Variants in BCL2L14 observed in about 807,000 individuals in gnomAD.
BCL2L14 encodes the protein apoptosis facilitator Bcl-2-like protein 14.
BCL2L14 carries 27 observed loss-of-function variants against 35.3 expected under a neutral mutation model. The ratio of observed to expected loss-of-function variants is 0.76; its 90% CI spans 0.56 to 1.05. The LOEUF is 1.05. BCL2L14 is among the 50% of genes least tolerant of loss of function. BCL2L14 has a pLI of 0.00. For missense variants in BCL2L14, 377 were observed against 382.6 expected, an observed-to-expected ratio of 0.99 and a Z score of 0.12; for synonymous variants, 139 against 145.9, an observed-to-expected ratio of 0.95 and a Z score of 0.34.
chr12:12,095,326 C>T (rs771011729), intron 5 of BCL2L14: 36 of 985,232 alleles, frequency 3.7e-5, no homozygotes, highest in Admixed American at 6.1e-5. Flanking sequence ...TTAGAGGTCA[C>T]GGAGACTAAG....
intron 1 of BCL2L14, among the ~76,000 whole-genome samples, chr12:12,074,999 C>T (rs915233706): frequency 4.0e-5 from 6 of 151,806 alleles, no homozygotes; most frequent in African/African-American, 1.5e-4. Flanking sequence ...GTGTTTAGTT[C>T]TCTATCATCT....
intron 4 of BCL2L14, among the ~76,000 whole-genome samples, 155 bp downstream of exon 4, chr12:12,091,004 A>G (rs1323032971): frequency 6.6e-6 from 1 of 152,224 alleles, no homozygotes; most frequent in African/African-American, 2.4e-5. Context: ...AAAATTCTTC[A>G]TGCTGGTAGA....
intron 2 of BCL2L14, among the ~76,000 whole-genome samples, chr12:12,086,582 G>T (rs1455458131): frequency 6.6e-6 from 1 of 152,214 alleles, no homozygotes; most frequent in East Asian, 1.9e-4. Context: ...ATTCTTGAAG[G>T]CCGTAAGTTG....
At chr12:12,078,045 A>G (rs1041800630) in intron 1 of BCL2L14, 1 of 395,204 alleles carries the variant, frequency 2.5e-6, no homozygotes, top group Non-Finnish European at 5.1e-6. Flanking sequence ...GTATGGAAAT[A>G]AAGAAGAAAT....
At position 12,079,641 on chromosome 12, in the gene BCL2L14, C is replaced by G. The variant is rs748353635; in HGVS notation, c.336C>G (p.Val112=). The part of the protein sequence containing the change: ...KEDSQSTPAK[V]SAQGQRTLEY... ...ATTCGCAGAGCACGCCTGCCAAGGT[C>G]TCTGCTCAGGGTCAAAGGACGTTGG... The change falls in exon 2 of 6, where the codon GTC becomes GTG. Residue 112 remains valine (V), a synonymous_variant. Coordinates refer to ENST00000308721, the MANE Select transcript of BCL2L14 (RefSeq NM_138723.2). 1.2e-6 allele frequency: 2 copies of G among 1,614,196 alleles called. No individual in the cohort carries two copies. The highest frequency in any genetic ancestry group is 1.1e-5 in the South Asian group (1 of 91,084).
At chr12:12,062,891 A>G (rs892427011) in intron 2 of BCL2L14, among the ~76,000 whole-genome samples, 2 of 152,254 alleles carry the variant, frequency 1.3e-5, no homozygotes, top group Non-Finnish European at 2.9e-5. Flanking sequence ...CAGGAAAAGT[A>G]GAACAGACTA....
At chr12:12,084,461 C>T (rs118037557) in intron 2 of BCL2L14, among the ~76,000 whole-genome samples, 2 of 152,094 alleles carry the variant, frequency 1.3e-5, no homozygotes, top group African/African-American at 4.8e-5. Context: ...GGAAGTCACA[C>T]CCCAACCCCC....
At chr12:12,061,307 G>A (rs555428668) in intron 2 of BCL2L14, among the ~76,000 whole-genome samples, 11 of 151,232 alleles carry the variant, frequency 7.3e-5, no homozygotes, top group African/African-American at 2.2e-4. Flanking sequence ...CTCCCTCCTT[G>A]GCGACCAATC....
intron 5 of BCL2L14, chr12:12,095,667 G>A (rs1389859703): frequency 2.0e-6 from 2 of 985,222 alleles, no homozygotes; most frequent in Non-Finnish European, 1.2e-6. Flanking sequence ...ATTATCCTTA[G>A]TTCTCTTTCC....
At position 12,079,391 on chromosome 12, in the gene BCL2L14, A is replaced by G. The variant is rs1443275996; in HGVS notation, c.86A>G (p.Tyr29Cys). ...ACCATAGAATTCAAAATCCTCGCCT[A>G]CTACACCAGACATCATGTCTTCAAG... ...LNTIEFKILA[Y>C]YTRHHVFKST... The change falls in exon 2 of 6, where the codon TAC becomes TGC. Residue 29 changes from tyrosine to cysteine, a missense_variant. Transcript: ENST00000308721. The G allele has an allele frequency of 1.9e-6, 3 of 1,614,158 alleles. No homozygotes were observed. The highest frequency in any genetic ancestry group is 2.2e-5 in the South Asian group (2 of 91,078).
chr12:12,094,618 C>G (rs752680306), intron 4 of BCL2L14, 46 bp from the exon 5 acceptor site: 2 of 1,614,064 alleles, frequency 1.2e-6, no homozygotes, highest in South Asian at 1.1e-5. Flanking sequence ...CTGTCTGCCT[C>G]GTGGAGCCAA....
intron 5 of BCL2L14, among the ~76,000 whole-genome samples, chr12:12,097,042 G>C (rs2961552): frequency 0.26 from 39,648 of 152,016 alleles, 5,311 homozygotes; most frequent in East Asian, 0.36. Context: ...TACTCAGGGG[G>C]GCTGAGGTAG....
intron 2 of BCL2L14, among the ~76,000 whole-genome samples, chr12:12,082,246 T>A (rs1216085494): frequency 6.6e-6 from 1 of 152,214 alleles, no homozygotes; most frequent in African/African-American, 2.4e-5. Flanking sequence ...CAGCAAGGCA[T>A]CTGCTCTCTG....
chr12:12,090,632 TA>T, intron 3 of BCL2L14, 146 bp from the exon 4 acceptor site: 1 of 549,198 alleles, frequency 1.8e-6, no homozygotes. Flanking sequence ...AAACTCTGTC[TA>T]AAAAATAAAA....
intron 5 of BCL2L14, among the ~76,000 whole-genome samples, chr12:12,096,552 A>G (rs1949317041): frequency 6.6e-6 from 1 of 152,186 alleles, no homozygotes; most frequent in Admixed American, 6.5e-5. Context: ...ATGTCAAATA[A>G]CCCAATTTTC....
At chr12:12,090,645 A>T in intron 3 of BCL2L14, 134 bp from the exon 4 acceptor site, 1 of 405,180 alleles carries the variant, frequency 2.5e-6, no homozygotes, top group Non-Finnish European at 4.2e-6. Flanking sequence ...AAAATAAAAA[A>T]TAAAAAAAAA....
At chr12:12,092,668 C>T (rs950676741) in intron 4 of BCL2L14, among the ~76,000 whole-genome samples, 2 of 152,196 alleles carry the variant, frequency 1.3e-5, no homozygotes, top group Non-Finnish European at 2.9e-5. Context: ...ACTTGGCTGC[C>T]TGCTAGGGTT....
At chr12:12,059,467 G>A (rs967290182) in intron 2 of BCL2L14, among the ~76,000 whole-genome samples, 3 of 151,024 alleles carry the variant, frequency 2.0e-5, no homozygotes, top group Non-Finnish European at 4.4e-5. Context: ...CCTTATTTCT[G>A]CACCCCAACC....
chr12:12,078,617 A>G (rs1266764119), intron 1 of BCL2L14, among the ~76,000 whole-genome samples: 1 of 152,088 alleles, frequency 6.6e-6, no homozygotes, highest in Non-Finnish European at 1.5e-5. Context: ...GAATTCACCT[A>G]TAATCTCCCC....
Sources: gnomAD v4.1 joint callset for allele counts (sites outside exome capture counted in the v4.1 genomes callset) on GRCh38, gnomAD v4.1.1 for gene constraint, MANE v1.5 for transcripts, NCBI Gene and HGNC (gene_info 2026-07-23, HGNC 2026-07-21) for gene names.